SCN10A: variants seen among roughly 807,000 people sequenced by gnomAD.
The protein encoded by SCN10A is sodium channel protein type 10 subunit alpha.
A neutral mutation model predicts 170.7 loss-of-function variants in SCN10A; 162 were observed. The observed-to-expected ratio is 0.95, with a 90% confidence interval of 0.84 to 1.08. The LOEUF (loss-of-function observed/expected upper bound fraction) is 1.08. SCN10A is among the 50% of genes least tolerant of loss of function. SCN10A has a pLI of 0.00. For missense variants in SCN10A, 2,527 were observed against 2,436.9 expected, an observed-to-expected ratio of 1.04 and a Z score of -0.78; for synonymous variants, 985 against 904.6, an observed-to-expected ratio of 1.09 and a Z score of -1.59.
intron 15 of SCN10A, 142 bp from the exon 16 acceptor site, chr3:38,729,043 T>C (rs1402922302): frequency 2.0e-6 from 2 of 976,622 alleles, no homozygotes; most frequent in East Asian, 2.6e-5. Context: ...ACACTGCTTT[T>C]GGAGACCTTT....
At position 38,739,537 on chromosome 3, in the gene SCN10A, G is replaced by C. The variant is rs1319283606; in HGVS notation, c.2258C>G (p.Ser753Cys). The C allele has an allele frequency of 4.3e-6, 7 of 1,613,936 alleles. No homozygotes were observed. The highest frequency in any genetic ancestry group is 5.9e-6 in the Non-Finnish European group (7 of 1,180,008). ...ELGVAKKGSL[S>C]VLRSFRLLRV... is the part of the protein sequence containing the mutation. Reference sequence around the variant, plus strand: ...TACCAAGCGGAAGCTCCGCAGCACAGACAGGCTTCCCTTCTTGGCCACGCC... The same window carrying C: ...TACCAAGCGGAAGCTCCGCAGCACACACAGGCTTCCCTTCTTGGCCACGCC... The change falls in exon 15 of 28, where the codon TCT becomes TGT. Residue 753 changes from serine (S) to cysteine (C), a missense_variant. Transcript: ENST00000449082.
chr3:38,767,215 A>G (rs920361983), intron 5 of SCN10A, among the ~76,000 whole-genome samples: 17 of 151,224 alleles, frequency 1.1e-4, no homozygotes, highest in Admixed American at 3.3e-4. Context: ...TTGTATTATT[A>G]TTATTTTTAT....
Position 38,697,059 on chromosome 3 carries a change from C to G in SCN10A, c.*290G>C, listed in dbSNP as rs2063096263. 1 of 416,900 alleles carries G rather than the reference C, an allele frequency of 2.4e-6. No homozygotes were observed. The highest frequency in any genetic ancestry group is 4.4e-6 in the Non-Finnish European group (1 of 229,488). The allele number at this position is 416,900 out of a possible 1,614,324, so 25.8% of individuals were successfully genotyped here. On this transcript the variant is annotated 3_prime_UTR_variant, in exon 28 of 28. Coordinates refer to ENST00000449082, the MANE Select transcript of SCN10A (RefSeq NM_006514.4). Reference sequence around the variant, plus strand: ...CTCAGTAAATATAATCTGATTACAACAAAAATAAAAGGACAAGGGATATTT... The same window carrying G: ...CTCAGTAAATATAATCTGATTACAAGAAAAATAAAAGGACAAGGGATATTT...
At position 38,794,031 on chromosome 3, in the gene SCN10A, AG is replaced by A. The variant is rs1349642211; in HGVS notation, c.-22del. ...TCCATCTTCTCATTCTTCTTCAGGAAGTATTTATACTCTTATAAGAGTGGAC... is the reference window on the plus strand; with the variant it reads ...TCCATCTTCTCATTCTTCTTCAGGAATATTTATACTCTTATAAGAGTGGAC... On this transcript the variant is annotated 5_prime_UTR_variant, in exon 2 of 28. Coordinates refer to ENST00000449082, the MANE Select transcript of SCN10A (RefSeq NM_006514.4). 6.2e-7 allele frequency: 1 copy of A among 1,611,336 alleles called. No homozygotes were observed. The highest frequency in any genetic ancestry group is 2.2e-5 in the East Asian group (1 of 44,856).
chr3:38,772,256 C>T (rs2064009501), intron 4 of SCN10A, among the ~76,000 whole-genome samples: 1 of 148,876 alleles, frequency 6.7e-6, no homozygotes, highest in Non-Finnish European at 1.5e-5. Context: ...CATGAACAGC[C>T]AGCCAAGGAG....
intron 4 of SCN10A, among the ~76,000 whole-genome samples, chr3:38,784,692 GTC>G (rs1444076601): frequency 6.6e-6 from 1 of 152,122 alleles, no homozygotes; most frequent in African/African-American, 2.4e-5. Flanking sequence ...AAGTCAAATT[GTC>G]TCTGTTTGCA....
intron 1 of SCN10A, among the ~76,000 whole-genome samples, chr3:38,808,127 C>T (rs1204242133): frequency 6.6e-6 from 1 of 152,116 alleles, no homozygotes; most frequent in Non-Finnish European, 1.5e-5. Context: ...CTGGTCCCTG[C>T]CCATCACCTC....
At position 38,702,087 on chromosome 3, in the gene SCN10A, A is replaced by C; in HGVS notation, c.4409T>G (p.Phe1470Cys). Residue 1470 changes from phenylalanine (F) to cysteine (C), a missense_variant, in exon 27 of 28, where the codon TTT becomes TGT. By Grantham distance (205) the Phe-to-Cys change is radical (BLOSUM62 -2). Transcript: ENST00000449082. ...AAAAGCTTGTCTGGTCACGATGTCA[A>C]AGACAAAACCCTGGAACTTGTTCTG... ...RPLNKFQGFV[F>C]DIVTRQAFDI... 1 of 1,566,474 alleles carries C rather than the reference A, an allele frequency of 6.4e-7. No individual in the cohort carries two copies. Among genetic ancestry groups the C allele is most frequent in the Middle Eastern group, 1.7e-4 (1 of 5,818 alleles).
At chr3:38,807,652 A>G (rs1042790573) in intron 1 of SCN10A, among the ~76,000 whole-genome samples, 1 of 152,110 alleles carries the variant, frequency 6.6e-6, no homozygotes. Context: ...CCCTTGCATC[A>G]AAGTATAATC....
rs148905110 is a variant in SCN10A, at chr3:38,752,261, C to T, written c.1713G>A (p.Pro571=). 878 of 1,572,368 alleles carry T rather than the reference C, an allele frequency of 5.6e-4. No individual in the cohort carries two copies. The highest frequency in any genetic ancestry group is 7.1e-4 in the Non-Finnish European group (825 of 1,158,336). The stretch of plus-strand genomic sequence containing the variant: ...CAGGGGCAAGCTCACTAGTGGGCGG[C>T]GGTTGGTGTTCATCTTCTCCATGCC... ...DSRHGEDEHQ[P]PPTSELAPGA... Residue 571 remains proline (P), a synonymous_variant, in exon 12 of 28, where the codon CCG becomes CCA. Transcript: ENST00000449082.
intron 1 of SCN10A, among the ~76,000 whole-genome samples, chr3:38,814,516 G>A (rs1479067382): frequency 6.6e-6 from 1 of 152,052 alleles, no homozygotes; most frequent in Non-Finnish European, 1.5e-5. Context: ...TTCTCCTCCT[G>A]GTTTAACATT....
rs1407842598 is a variant in SCN10A, at chr3:38,794,032, G to T, written c.-22C>A. 1 of 1,610,476 alleles carries T rather than the reference G, an allele frequency of 6.2e-7. No homozygotes were observed. The highest frequency in any genetic ancestry group is 8.5e-7 in the Non-Finnish European group (1 of 1,177,334). On this transcript the variant is annotated 5_prime_UTR_variant, in exon 2 of 28. Coordinates refer to ENST00000449082, the MANE Select transcript of SCN10A (RefSeq NM_006514.4). Reference sequence around the variant, plus strand: ...CCATCTTCTCATTCTTCTTCAGGAAGTATTTATACTCTTATAAGAGTGGAC... The same window carrying T: ...CCATCTTCTCATTCTTCTTCAGGAATTATTTATACTCTTATAAGAGTGGAC...
chr3:38,732,208 T>C (rs902390464), intron 15 of SCN10A, among the ~76,000 whole-genome samples: 4 of 152,242 alleles, frequency 2.6e-5, no homozygotes, highest in Non-Finnish European at 4.4e-5. Context: ...GTTTTCCAGT[T>C]TTGCTTGCAA....
At chr3:38,748,054 G>C (rs78430219) in intron 13 of SCN10A, among the ~76,000 whole-genome samples, 4,147 of 152,094 alleles carry the variant, frequency 0.027, 185 homozygotes, top group African/African-American at 0.094. Context: ...GTTGATAAGA[G>C]AATAAATGAA....
At chr3:38,769,819 C>T (rs899862868) in intron 5 of SCN10A, among the ~76,000 whole-genome samples, 3 of 152,050 alleles carry the variant, frequency 2.0e-5, no homozygotes, top group African/African-American at 4.8e-5. Flanking sequence ...CTGCAGTGAT[C>T]GTTATTGTTC....
intron 11 of SCN10A, among the ~76,000 whole-genome samples, chr3:38,755,297 A>G (rs913588444): frequency 1.3e-5 from 2 of 152,158 alleles, no homozygotes; most frequent in Admixed American, 1.3e-4. Context: ...CAGAAAAAAA[A>G]AAGGTGCATG....
intron 4 of SCN10A, among the ~76,000 whole-genome samples, chr3:38,781,945 A>G (rs901670488): frequency 1.3e-5 from 2 of 152,048 alleles, no homozygotes; most frequent in African/African-American, 4.8e-5. Context: ...GGTTGTCTTT[A>G]TAAGTAAAAA....
chr3:38,739,709 T>G (rs1553618637), intron 14 of SCN10A, 21 bp from the exon 15 acceptor site: 2 of 1,599,404 alleles, frequency 1.3e-6, no homozygotes, highest in Non-Finnish European at 1.7e-6. Context: ...AAACAAGCTT[T>G]CATCACAGTG....
chr3:38,771,324 A>G lies in SCN10A; in HGVS notation c.554T>C (p.Leu185Pro), dbSNP rs1049447110. ...RGFCLNEFTY[L>P]RDPWNWLDFS... ...ATCCAGCCAGTTCCAAGGATCTCTC[A>G]GGTACGTGAACTCATTTAGACAAAA... The change falls in exon 5 of 28, where the codon CTG becomes CCG. Residue 185 changes from leucine (L) to proline (P), a missense_variant. Physicochemically the swap from Leu to Pro is moderately conservative, Grantham distance 98 (BLOSUM62 -3). Transcript: ENST00000449082. 1 of 1,614,140 alleles carries G rather than the reference A, an allele frequency of 6.2e-7. No individual in the cohort carries two copies.
Sources: allele counts gnomAD v4.1 joint callset (sites outside exome capture counted in the v4.1 genomes callset), GRCh38; gene constraint gnomAD v4.1.1; transcripts MANE v1.5; gene names NCBI Gene and HGNC (gene_info 2026-07-23, HGNC 2026-07-21).